TPH2: variants seen among roughly 807,000 people sequenced by gnomAD.
The protein encoded by TPH2 is tryptophan hydroxylase 2, also known as tryptophan 5-hydroxylase 2.
A neutral mutation model predicts 59.1 loss-of-function variants in TPH2; 27 were observed. The ratio of observed to expected loss-of-function variants is 0.46; its 90% CI spans 0.34 to 0.63. The LOEUF is 0.63. TPH2 is among the 30% of genes least tolerant of loss of function. TPH2 has a pLI of 0.01. For synonymous variants in TPH2, 220 were observed against 210.5 expected (o/e 1.05, Z -0.39); for missense variants, 523 against 588.3 (o/e 0.89, Z 1.15).
chr12:72,007,616 A>G (rs1405875162), intron 8 of TPH2, among the ~76,000 whole-genome samples: 1 of 152,162 alleles, frequency 6.6e-6, no homozygotes, highest in Non-Finnish European at 1.5e-5. Context: ...ATATCTCTTC[A>G]TGTTGGTACA....
intron 8 of TPH2, among the ~76,000 whole-genome samples, chr12:71,995,341 C>T (rs1251141609): frequency 6.6e-6 from 1 of 152,030 alleles, no homozygotes; most frequent in Non-Finnish European, 1.5e-5. Flanking sequence ...TTTAGCCAAC[C>T]CATTACCTAC....
intron 8 of TPH2, among the ~76,000 whole-genome samples, chr12:72,004,901 A>G (rs1872913414): frequency 6.6e-6 from 1 of 152,228 alleles, no homozygotes; most frequent in African/African-American, 2.4e-5. Flanking sequence ...CATTTAGTAG[A>G]TGTAAAATGT....
chr12:71,992,432 G>A (rs1161597766), intron 7 of TPH2, among the ~76,000 whole-genome samples: 8 of 86,198 alleles, frequency 9.3e-5, no homozygotes, highest in East Asian at 3.6e-4. Flanking sequence ...CCCCACCCCC[G>A]CCCCTGACAT....
At chr12:71,944,234 G>T in intron 2 of TPH2, 60 bp from the exon 3 acceptor site, 3 of 1,587,386 alleles carry the variant, frequency 1.9e-6, no homozygotes, top group Non-Finnish European at 2.6e-6. Context: ...AACAAGAAAA[G>T]CTCATGGCAT....
At chr12:71,941,559 T>C (rs772354142) in intron 1 of TPH2, 25 bp from the exon 2 acceptor site, 11 of 1,610,914 alleles carry the variant, frequency 6.8e-6, no homozygotes, top group Non-Finnish European at 9.3e-6. Context: ...ATATTTTGTT[T>C]TATTATGCTT....
intron 9 of TPH2, among the ~76,000 whole-genome samples, chr12:72,023,214 A>G (rs988901697): frequency 6.6e-6 from 1 of 152,240 alleles, no homozygotes; most frequent in East Asian, 1.9e-4. Flanking sequence ...GCAGTGTGAT[A>G]CACAATCTAG....
chr12:71,956,239 T>A (rs534669818), intron 5 of TPH2, among the ~76,000 whole-genome samples: 1 of 152,256 alleles, frequency 6.6e-6, no homozygotes, highest in Non-Finnish European at 1.5e-5. Context: ...TAACCTAGCA[T>A]TGGAAGTGAC....
At chr12:71,968,928 T>A (rs1453989218) in intron 5 of TPH2, among the ~76,000 whole-genome samples, 1 of 67,704 alleles carries the variant, frequency 1.5e-5, no homozygotes, top group African/African-American at 3.5e-5. Context: ...CAGAGCGTAG[T>A]TGTAGGATGT....
chr12:71,983,495 G>C (rs1487820912), intron 7 of TPH2, among the ~76,000 whole-genome samples: 1 of 152,142 alleles, frequency 6.6e-6, no homozygotes, highest in African/African-American at 2.4e-5. Flanking sequence ...GCATGTGAGC[G>C]TCGCCTGGCA....
chr12:72,009,580 G>T (rs1435164327), intron 8 of TPH2, among the ~76,000 whole-genome samples: 1 of 152,230 alleles, frequency 6.6e-6, no homozygotes, highest in Non-Finnish European at 1.5e-5. Context: ...AGCAGTGCTA[G>T]TTGGAGTGCC....
chr12:71,992,118 A>G (rs1872589751), intron 7 of TPH2, among the ~76,000 whole-genome samples: 1 of 152,228 alleles, frequency 6.6e-6, no homozygotes, highest in Non-Finnish European at 1.5e-5. Context: ...AAAGAGACTT[A>G]GGAAATACTG....
chr12:71,956,018 G>A (rs1354434532), intron 5 of TPH2, among the ~76,000 whole-genome samples: 3 of 152,196 alleles, frequency 2.0e-5, no homozygotes, highest in Non-Finnish European at 2.9e-5. Context: ...GCAAACTGTT[G>A]ACCAGGGAAA....
chr12:71,993,418 C>G (rs1872624050), intron 7 of TPH2, among the ~76,000 whole-genome samples: 1 of 152,194 alleles, frequency 6.6e-6, no homozygotes, highest in African/African-American at 2.4e-5. Flanking sequence ...AATGTTCCTG[C>G]ATCTCAATCC....
chr12:71,981,696 G>A (rs1484583152), intron 7 of TPH2, among the ~76,000 whole-genome samples: 2 of 151,980 alleles, frequency 1.3e-5, no homozygotes, highest in African/African-American at 4.8e-5. Flanking sequence ...TGAGAATATT[G>A]GAGGAGGATC....
chr12:72,030,929 CAT>C (rs1056303228), intron 9 of TPH2, among the ~76,000 whole-genome samples: 3 of 152,144 alleles, frequency 2.0e-5, no homozygotes, highest in Non-Finnish European at 4.4e-5. Context: ...CTATTCATAG[CAT>C]AGATTTAAAA....
At chr12:72,006,754 T>C (rs984642652) in intron 8 of TPH2, among the ~76,000 whole-genome samples, 2 of 152,146 alleles carry the variant, frequency 1.3e-5, no homozygotes, top group African/African-American at 4.8e-5. Context: ...TTGGTTAAGA[T>C]TAAGATCTTT....
At chr12:71,951,283 C>T (rs1001056153) in intron 5 of TPH2, among the ~76,000 whole-genome samples, 1 of 152,148 alleles carries the variant, frequency 6.6e-6, no homozygotes, top group Non-Finnish European at 1.5e-5. Context: ...TGATTGGCTT[C>T]CCCTGGTCCA....
chr12:71,944,499 C>T (rs754056976), intron 3 of TPH2, 22 bp downstream of exon 3: 7 of 1,613,814 alleles, frequency 4.3e-6, no homozygotes, highest in Non-Finnish European at 5.1e-6. Context: ...CTTAGCTTGT[C>T]GGGTAACTTT....
chr12:71,972,209 C>T (rs932284467), intron 5 of TPH2, among the ~76,000 whole-genome samples: 13 of 152,160 alleles, frequency 8.5e-5, no homozygotes, highest in African/African-American at 3.1e-4. Context: ...TGTACCTAAA[C>T]CAGTTCCTTC....
Sources: allele counts gnomAD v4.1 joint callset (sites outside exome capture counted in the v4.1 genomes callset), GRCh38; gene constraint gnomAD v4.1.1; transcripts MANE v1.5; gene names NCBI Gene and HGNC (gene_info 2026-07-23, HGNC 2026-07-21).